PTPN12: variants seen among roughly 807,000 people sequenced by gnomAD.
PTPN12 encodes protein tyrosine phosphatase non-receptor type 12.
A neutral mutation model predicts 97.6 loss-of-function variants in PTPN12; 29 were observed. The ratio of observed to expected loss-of-function variants is 0.30; its 90% CI spans 0.22 to 0.41. PTPN12 has a LOEUF of 0.41. Among genes scored for constraint, PTPN12 ranks in the 10% least tolerant of loss-of-function variants. The probability of loss-of-function intolerance (pLI) is 1.00; values close to 1 mark genes in which losing one functional copy is unlikely to be tolerated. For synonymous variants in PTPN12, 327 were observed against 300.4 expected, an observed-to-expected ratio of 1.09 and a Z score of -0.91; for missense variants, 819 against 926.0, an observed-to-expected ratio of 0.88 and a Z score of 1.50.
At chr7:77,559,226 T>G (rs1807882102) in intron 1 of PTPN12, among the ~76,000 whole-genome samples, 1 of 152,248 alleles carries the variant, frequency 6.6e-6, no homozygotes. Context: ...GGATCGTGTG[T>G]AATTTCATTA....
chr7:77,588,584 G>GA (rs1383553773), intron 5 of PTPN12, among the ~76,000 whole-genome samples: 4 of 152,122 alleles, frequency 2.6e-5, no homozygotes, highest in African/African-American at 4.8e-5. Flanking sequence ...ATATGCTGTT[G>GA]AAAAAATGAT....
In PTPN12 at chr7:77,537,645, G is replaced by T. The variant is rs753053951; in HGVS notation, c.99G>T (p.Met33Ile). Residue 33 changes from methionine to isoleucine, a missense_variant and splice_region_variant, in exon 1 of 18, where the codon ATG (methionine) becomes ATT (isoleucine). This residue lies in a region of PTPN12 where 59 missense variants were observed against 42.2 expected (regional missense o/e 1.40). Transcript: ENST00000248594. ...NGEDNFARDFMRLRRLSTKYR... is the reference protein window; with the variant it reads ...NGEDNFARDFIRLRRLSTKYR... The stretch of plus-strand genomic sequence containing the variant: ...AGGACAACTTCGCCCGGGACTTCAT[G>T]GTGAGTCTCTCCCCTCGCTGTCGCG... 1 of 1,593,320 alleles carries T rather than the reference G, an allele frequency of 6.3e-7. No individual in the cohort carries two copies.
intron 3 of PTPN12, 34 bp downstream of exon 3, chr7:77,581,537 A>G (rs113571561): frequency 2.7e-5 from 36 of 1,334,902 alleles, no homozygotes; most frequent in African/African-American, 4.5e-5. Context: ...TTTCTCTGCC[A>G]TATTAATGTC....
chr7:77,546,028 T>C (rs542552790), intron 1 of PTPN12, among the ~76,000 whole-genome samples: 1 of 152,232 alleles, frequency 6.6e-6, no homozygotes, highest in Admixed American at 6.5e-5. Context: ...GCCTCCTGGG[T>C]TCAAGCAATT....
At chr7:77,549,530 G>T (rs1807382376) in intron 1 of PTPN12, among the ~76,000 whole-genome samples, 1 of 151,236 alleles carries the variant, frequency 6.6e-6, no homozygotes, top group Non-Finnish European at 1.5e-5. Flanking sequence ...ATTAAAATAT[G>T]GAACCTTCTT....
chr7:77,556,573 G>A (rs184891931), intron 1 of PTPN12, among the ~76,000 whole-genome samples: 77 of 152,240 alleles, frequency 5.1e-4, no homozygotes, highest in Admixed American at 2.6e-3. Flanking sequence ...TATTCGGCCA[G>A]GCACAGTGGC....
At chr7:77,593,393 A>T (rs1437661617) in intron 6 of PTPN12, among the ~76,000 whole-genome samples, 1 of 152,230 alleles carries the variant, frequency 6.6e-6, no homozygotes, top group Non-Finnish European at 1.5e-5. Context: ...GAGATTTATT[A>T]CGAGGAATTG....
At chr7:77,625,521 CTCA>C (rs1789132707) in intron 12 of PTPN12, among the ~76,000 whole-genome samples, 2 of 81,110 alleles carry the variant, frequency 2.5e-5, no homozygotes, top group Non-Finnish European at 4.8e-5. Flanking sequence ...CTCTCTCTCT[CTCA>C]CTCTCACTCT....
At chr7:77,595,803 A>T (rs1301070839) in intron 6 of PTPN12, among the ~76,000 whole-genome samples, 2 of 152,206 alleles carry the variant, frequency 1.3e-5, no homozygotes, top group Non-Finnish European at 2.9e-5. Context: ...TGTTCTTCAT[A>T]ATCCTTGTTC....
At chr7:77,577,323 C>T (rs1787373927) in intron 2 of PTPN12, among the ~76,000 whole-genome samples, 1 of 152,232 alleles carries the variant, frequency 6.6e-6, no homozygotes, top group Admixed American at 6.5e-5. Context: ...GCGATATTAA[C>T]TTCTATCTCC....
rs145563189 is a variant in PTPN12, at chr7:77,617,643, G to A, written c.940-837G>A. Among the ~76,000 whole-genome samples, 7 of 152,296 alleles carry A rather than the reference G, an allele frequency of 4.6e-5. No individual in the cohort carries two copies. The East Asian group carries it at 1.2e-3, about 25-fold the overall frequency. On this transcript the variant is annotated intron_variant, in intron 11 of 17. Coordinates refer to ENST00000248594, the MANE Select transcript of PTPN12 (RefSeq NM_002835.4). ...GCTGTTGTCTAAAATTATCTGAGAT[G>A]TTGGCAAGGGTGAAAATCATTCCTC...
Position 77,577,607 on chromosome 7 carries a change from C to T in PTPN12, c.209-3820C>T, listed in dbSNP as rs75723726. On this transcript the variant is annotated intron_variant, in intron 2 of 17. Transcript: ENST00000248594. ...ACAACATTATTGTGCTTATTACATGCAATAAATATTTATTGGATGAATGAT... is the reference window on the plus strand; with the variant it reads ...ACAACATTATTGTGCTTATTACATGTAATAAATATTTATTGGATGAATGAT... Among the ~76,000 whole-genome samples the T allele has an allele frequency of 5.6e-3, 854 of 152,124 alleles. 12 individuals are homozygous for T. The highest frequency in any genetic ancestry group is 0.019 in the African/African-American group (807 of 41,494).
chr7:77,607,597 A>G (rs916893447), intron 9 of PTPN12, among the ~76,000 whole-genome samples: 8 of 152,174 alleles, frequency 5.3e-5, no homozygotes, highest in African/African-American at 1.9e-4. Context: ...AAATGATTAT[A>G]AAAAATAAAG....
intron 2 of PTPN12, among the ~76,000 whole-genome samples, chr7:77,574,831 AT>A (rs958537797): frequency 6.6e-6 from 1 of 150,690 alleles, no homozygotes; most frequent in Admixed American, 6.6e-5. Flanking sequence ...TTGACTTGGG[AT>A]TTTTTTTTCT....
chr7:77,585,279 C>T (rs996449357), intron 4 of PTPN12: 11 of 287,850 alleles, frequency 3.8e-5, no homozygotes, highest in Non-Finnish European at 7.0e-5. Context: ...CAAAGTAAAT[C>T]TGTAAGATTT....
At chr7:77,548,166 T>C (rs576090758) in intron 1 of PTPN12, among the ~76,000 whole-genome samples, 1 of 152,338 alleles carries the variant, frequency 6.6e-6, no homozygotes, top group South Asian at 2.1e-4. Flanking sequence ...AGATTAGTGT[T>C]TCTCATTGGC....
At chr7:77,595,817 A>T (rs1788005974) in intron 6 of PTPN12, among the ~76,000 whole-genome samples, 2 of 152,182 alleles carry the variant, frequency 1.3e-5, no homozygotes, top group South Asian at 4.1e-4. Context: ...CTTGTTCTAA[A>T]CTATCTGTAG....
chr7:77,560,712 G>T (rs1807959883), intron 1 of PTPN12, among the ~76,000 whole-genome samples: 5 of 152,094 alleles, frequency 3.3e-5, no homozygotes, highest in Admixed American at 3.3e-4. Context: ...CATCCATGTT[G>T]TAGTATGTGT....
chr7:77,635,823 G>A lies in PTPN12; in HGVS notation c.2116G>A (p.Glu706Lys), dbSNP rs2230602. 108,911 of 1,605,022 alleles carry A rather than the reference G, an allele frequency of 0.068. 4,211 individuals are homozygous for A. Among genetic ancestry groups the A allele is most frequent in the Non-Finnish European group, 0.079 (93,314 of 1,175,454 alleles). ...RSEWSELQSQERSEQKKSEGL... is the reference protein window; with the variant it reads ...RSEWSELQSQKRSEQKKSEGL... ...GGAATGGAGTGAACTTCAAAGTCAGGAACGATCTGAACAAAAAAAGTCTGA... is the reference window on the plus strand; with the variant it reads ...GGAATGGAGTGAACTTCAAAGTCAGAAACGATCTGAACAAAAAAAGTCTGA... Residue 706 changes from glutamate to lysine, a missense_variant, in exon 15 of 18, where the codon GAA (glutamate) becomes AAA (lysine). Coordinates refer to ENST00000248594, the MANE Select transcript of PTPN12 (RefSeq NM_002835.4).
Sources: gnomAD v4.1 joint callset for allele counts (sites outside exome capture counted in the v4.1 genomes callset) on GRCh38, gnomAD v4.1.1 for gene constraint, gnomAD v4.1.1 regional missense constraint, MANE v1.5 for transcripts, NCBI Gene and HGNC (gene_info 2026-07-23, HGNC 2026-07-21) for gene names.